The following PIK3CB variants were observed in gnomAD, a reference collection of about 807,000 sequenced individuals.
The protein encoded by PIK3CB is phosphatidylinositol 4,5-bisphosphate 3-kinase catalytic subunit beta isoform.
PIK3CB carries 39 observed loss-of-function variants against 136.8 expected under a neutral mutation model. The observed-to-expected ratio is 0.29, with a 90% CI of 0.22 to 0.37. The LOEUF (loss-of-function observed/expected upper bound fraction) is 0.37. PIK3CB is among the 10% of genes least tolerant of loss of function. The pLI is 1.00. For missense variants in PIK3CB, 868 were observed against 1,275.4 expected (o/e 0.68, Z 4.87); for synonymous variants, 428 against 436.6 (o/e 0.98, Z 0.25).
intron 2 of PIK3CB, among the ~76,000 whole-genome samples, chr3:138,793,984 T>TG (rs2046081962): frequency 1.3e-5 from 2 of 152,148 alleles, no homozygotes; most frequent in African/African-American, 4.8e-5. Context: ...TGTTTTGAGA[T>TG]GGAGTTTCGC....
At chr3:138,805,408 C>G (rs940093053) in intron 1 of PIK3CB, among the ~76,000 whole-genome samples, 1 of 151,718 alleles carries the variant, frequency 6.6e-6, no homozygotes, top group African/African-American at 2.4e-5. Flanking sequence ...CGGTGGCTCA[C>G]GACTGTAATC....
chr3:138,693,966 T>TTATATA (rs1290359773), intron 14 of PIK3CB, among the ~76,000 whole-genome samples: 4 of 42,406 alleles, frequency 9.4e-5, no homozygotes, highest in Non-Finnish European at 1.4e-4. Flanking sequence ...TATATATATA[T>TTATATA]TATATATATA....
At chr3:138,751,978 A>G (rs1194733500) in intron 4 of PIK3CB, among the ~76,000 whole-genome samples, 1 of 151,780 alleles carries the variant, frequency 6.6e-6, no homozygotes, top group Non-Finnish European at 1.5e-5. Flanking sequence ...ATATAAAAAA[A>G]AAAAAAAAAA....
rs142906101 is a variant in PIK3CB, at chr3:138,722,126, GGT to G, written c.1051-7409_1051-7408del. Among the ~76,000 whole-genome samples, 355 of 100,270 alleles carry G rather than the reference GGT, an allele frequency of 3.5e-3. 1 individual carries two copies. The highest frequency in any genetic ancestry group is 0.012 in the African/African-American group (337 of 27,868). The allele number at this position is 100,270 out of a possible 152,430, so 65.8% of individuals were successfully genotyped here. A position where few individuals can be genotyped will look rare whatever the true frequency, so the allele number is the denominator to read the frequency against. ...ATACCTACTAGGAATCTTGCTACTG[GGT>G]GTTTTTTTTTTTTTTTTCTTATTTC... On this transcript the variant is annotated intron_variant, in intron 8 of 23. Transcript: ENST00000674063.
intron 6 of PIK3CB, among the ~76,000 whole-genome samples, chr3:138,735,775 G>C (rs2045089544): frequency 1.3e-5 from 2 of 152,108 alleles, no homozygotes; most frequent in South Asian, 4.1e-4. Flanking sequence ...TACAGATCCA[G>C]AGTGTGATTC....
intron 21 of PIK3CB, among the ~76,000 whole-genome samples, chr3:138,663,132 A>C (rs921599735): frequency 1.3e-5 from 2 of 152,042 alleles, no homozygotes; most frequent in Non-Finnish European, 2.9e-5. Context: ...AACCTACAAA[A>C]TGGGAGAAAA....
At chr3:138,722,959 CTG>C (rs1213021598) in intron 8 of PIK3CB, among the ~76,000 whole-genome samples, 2 of 151,732 alleles carry the variant, frequency 1.3e-5, no homozygotes, top group Non-Finnish European at 2.9e-5. Context: ...TGAGAAATCT[CTG>C]TGTAATTTAC....
intron 2 of PIK3CB, among the ~76,000 whole-genome samples, chr3:138,792,125 G>A (rs1245946624): frequency 6.6e-6 from 1 of 152,210 alleles, no homozygotes; most frequent in Admixed American, 6.6e-5. Flanking sequence ...AACCAGGGAA[G>A]TGGAAGTTGC....
intron 8 of PIK3CB, among the ~76,000 whole-genome samples, chr3:138,725,422 C>T (rs1009147238): frequency 2.0e-5 from 3 of 152,120 alleles, no homozygotes; most frequent in African/African-American, 7.2e-5. Context: ...CTTAAGTAGT[C>T]TTCCTGAACT....
intron 1 of PIK3CB, among the ~76,000 whole-genome samples, chr3:138,818,972 C>T (rs905791039): frequency 1.3e-5 from 2 of 152,032 alleles, no homozygotes; most frequent in East Asian, 1.9e-4. Flanking sequence ...AAAAGGTAGT[C>T]GAAGCTTAAA....
At chr3:138,732,253 T>C (rs971792134) in intron 8 of PIK3CB, among the ~76,000 whole-genome samples, 7 of 152,170 alleles carry the variant, frequency 4.6e-5, no homozygotes, top group African/African-American at 1.7e-4. Context: ...ATAGTCTTCA[T>C]GTTGTATATT....
At chr3:138,776,211 GAA>G in intron 2 of PIK3CB, among the ~76,000 whole-genome samples, 1 of 151,502 alleles carries the variant, frequency 6.6e-6, no homozygotes, top group East Asian at 1.9e-4. Flanking sequence ...CAAAAAAAAA[GAA>G]AGAAAGAAAA....
In PIK3CB at chr3:138,664,725, T is replaced by C. The variant is rs552022310; in HGVS notation, c.2672+311A>G. Among the ~76,000 whole-genome samples, 5 of 152,334 alleles carry C rather than the reference T, an allele frequency of 3.3e-5. No homozygotes were observed. The East Asian group carries it at 9.6e-4, about 29-fold the overall frequency. ...CTCATTAAAAACTCACTTAAGTTCA[T>C]ATATTCACATAATTAGAGAAGCTGA... On this transcript the variant is annotated intron_variant, in intron 20 of 23. Transcript: ENST00000674063.
chr3:138,683,724 CTTG>C lies in PIK3CB; in HGVS notation c.2376_2378del (p.Asn792del), dbSNP rs1384590995. 6.2e-7 allele frequency: 1 copy of C among 1,607,012 alleles called. No individual in the cohort carries two copies. The highest frequency in any genetic ancestry group is 8.5e-7 in the Non-Finnish European group (1 of 1,173,910). ...CTCCAACTGAATCCTCACCAAATAC[CTTG>C]TTATTGTATACCAGCCACAAAGGCT... is the stretch of plus-strand genomic sequence containing the variant. On this transcript the variant is annotated inframe_deletion, in exon 18 of 24. Coordinates refer to ENST00000674063, the MANE Select transcript of PIK3CB (RefSeq NM_006219.3).
At chr3:138,825,777 C>A in intron 1 of PIK3CB, 1 of 802,346 alleles carries the variant, frequency 1.2e-6, no homozygotes, top group South Asian at 1.6e-5. Flanking sequence ...GAATGGTGGT[C>A]ACCTTTGCTC....
chr3:138,765,950 A>C (rs746941595), intron 2 of PIK3CB, among the ~76,000 whole-genome samples: 5 of 152,034 alleles, frequency 3.3e-5, no homozygotes, highest in Non-Finnish European at 5.9e-5. Flanking sequence ...CTCAACCTAC[A>C]TTTCAGGTAG....
intron 2 of PIK3CB, among the ~76,000 whole-genome samples, chr3:138,763,465 G>A (rs1041087948): frequency 2.6e-5 from 4 of 152,076 alleles, no homozygotes; most frequent in African/African-American, 7.2e-5. Context: ...ATTGAGGTGG[G>A]TTTATGAAAC....
At chr3:138,832,026 T>A (rs938929652) in intron 1 of PIK3CB, among the ~76,000 whole-genome samples, 1 of 152,188 alleles carries the variant, frequency 6.6e-6, no homozygotes, top group East Asian at 1.9e-4. Context: ...GACTTCTGAC[T>A]CCCAGCCTTT....
chr3:138,722,421 G>C (rs941292477), intron 8 of PIK3CB, among the ~76,000 whole-genome samples: 1 of 152,014 alleles, frequency 6.6e-6, no homozygotes, highest in African/African-American at 2.4e-5. Context: ...AATCTTACCT[G>C]AATTTGTCAC....
Sources: gnomAD v4.1 joint callset for allele counts (sites outside exome capture counted in the v4.1 genomes callset) on GRCh38, gnomAD v4.1.1 for gene constraint, MANE v1.5 for transcripts, NCBI Gene and HGNC (gene_info 2026-07-23, HGNC 2026-07-21) for gene names.